INPP4B: variants seen among roughly 807,000 people sequenced by gnomAD.
INPP4B encodes inositol polyphosphate 4-phosphatase type II.
INPP4B carries 55 observed loss-of-function variants against 122.5 expected under a neutral mutation model. That is an observed-to-expected ratio of 0.45 (90% CI 0.36 to 0.56). INPP4B has a LOEUF of 0.56. Among genes scored for constraint, INPP4B ranks in the 20% least tolerant of loss-of-function variants. INPP4B has a pLI of 0.00. For missense variants in INPP4B, 1,000 were observed against 1,097.7 expected (o/e 0.91, Z 1.26); for synonymous variants, 403 against 388.7 (o/e 1.04, Z -0.43).
chr4:142,051,211 A>G (rs1465424878), intron 25 of INPP4B, among the ~76,000 whole-genome samples: 1 of 152,080 alleles, frequency 6.6e-6, no homozygotes, highest in African/African-American at 2.4e-5. Flanking sequence ...AAGATACTAC[A>G]GCCAAGAACA....
chr4:142,505,998 A>T (rs575654300), intron 2 of INPP4B, among the ~76,000 whole-genome samples: 1 of 152,310 alleles, frequency 6.6e-6, no homozygotes, highest in Admixed American at 6.5e-5. Context: ...GTGCATTAAC[A>T]CTAAAATGTA....
At chr4:142,545,821 G>GTATATATATATATATATATATATA (rs70949172) in intron 2 of INPP4B, among the ~76,000 whole-genome samples, 1 of 111,920 alleles carries the variant, frequency 8.9e-6, no homozygotes. Context: ...ATACATGTGT[G>GTATATATATATATATATATATATA]TATATATATA....
At chr4:142,380,447 C>A (rs1793692004) in intron 7 of INPP4B, among the ~76,000 whole-genome samples, 2 of 152,136 alleles carry the variant, frequency 1.3e-5, no homozygotes, top group Admixed American at 1.3e-4. Context: ...TCCAGGCTAT[C>A]ACTTGCTCAA....
At chr4:142,029,703 A>G in intron 25 of INPP4B, 1 of 986,118 alleles carries the variant, frequency 1.0e-6, no homozygotes, top group Non-Finnish European at 1.2e-6. Flanking sequence ...GATGGCATCT[A>G]TGATATTAGC....
At chr4:142,168,703 CT>C (rs1824087837) in intron 16 of INPP4B, among the ~76,000 whole-genome samples, 1 of 151,578 alleles carries the variant, frequency 6.6e-6, no homozygotes, top group Non-Finnish European at 1.5e-5. Context: ...ATATTTATTT[CT>C]GTGGACATGG....
chr4:142,099,122 C>G (rs1379325516), intron 23 of INPP4B, among the ~76,000 whole-genome samples: 1 of 151,988 alleles, frequency 6.6e-6, no homozygotes, highest in African/African-American at 2.4e-5. Flanking sequence ...AGGCTCTTGA[C>G]AGAAAGTTTC....
At chr4:142,331,602 G>A (rs563602670) in intron 7 of INPP4B, among the ~76,000 whole-genome samples, 12 of 152,262 alleles carry the variant, frequency 7.9e-5, no homozygotes, top group South Asian at 2.1e-4. Flanking sequence ...TAGAATTTAC[G>A]TATTTGTTTG....
In INPP4B at chr4:142,738,384, TC is replaced by T. The variant is rs1767343577; in HGVS notation, c.-253-12484del. On this transcript the variant is annotated intron_variant, in intron 1 of 25. Coordinates refer to ENST00000262992, the MANE Select transcript of INPP4B (RefSeq NM_001101669.3). ...ACAAAAAACCAAACACCGCATGTTG[TC>T]ACTCATAGGTGGGAATTGAACAATG... 2.6e-5 allele frequency among the ~76,000 whole-genome samples: 4 copies of T among 152,200 alleles called. No homozygotes were observed. The South Asian group carries it at 8.3e-4, about 32-fold the overall frequency.
At chr4:142,054,059 C>G (rs1010004501) in intron 25 of INPP4B, among the ~76,000 whole-genome samples, 2 of 134,346 alleles carry the variant, frequency 1.5e-5, no homozygotes, top group Non-Finnish European at 3.3e-5. Flanking sequence ...CATGTATTGT[C>G]TTTGGATAAC....
chr4:142,780,534 C>CG (rs1774629103), intron 1 of INPP4B, among the ~76,000 whole-genome samples: 1 of 152,096 alleles, frequency 6.6e-6, no homozygotes, highest in Non-Finnish European at 1.5e-5. Context: ...CACGGTGGCT[C>CG]ACACCTGTAA....
At chr4:142,704,311 A>G (rs374497975) in intron 2 of INPP4B, among the ~76,000 whole-genome samples, 1 of 152,288 alleles carries the variant, frequency 6.6e-6, no homozygotes, top group East Asian at 1.9e-4. Flanking sequence ...TCAGTAAAGA[A>G]CTTCTGCCAC....
intron 2 of INPP4B, among the ~76,000 whole-genome samples, chr4:142,539,044 C>CT (rs1042749283): frequency 2.0e-5 from 3 of 149,720 alleles, no homozygotes; most frequent in Non-Finnish European, 3.0e-5. Flanking sequence ...CTTTTCAGGC[C>CT]TTTTTTTGTG....
intron 5 of INPP4B, among the ~76,000 whole-genome samples, chr4:142,414,154 T>C (rs2149263092): frequency 6.6e-6 from 1 of 152,286 alleles, no homozygotes; most frequent in South Asian, 2.1e-4. Flanking sequence ...TGAAGTAAAA[T>C]ATTAGCTTCA....
At chr4:142,113,087 T>C (rs1346337002) in intron 21 of INPP4B, among the ~76,000 whole-genome samples, 1 of 152,078 alleles carries the variant, frequency 6.6e-6, no homozygotes, top group Non-Finnish European at 1.5e-5. Context: ...ATTTATATGA[T>C]TTTTTGGTAT....
At chr4:142,635,627 G>A (rs1238548163) in intron 2 of INPP4B, among the ~76,000 whole-genome samples, 2 of 152,138 alleles carry the variant, frequency 1.3e-5, no homozygotes, top group Non-Finnish European at 2.9e-5. Context: ...AATACTGCAT[G>A]TTCTCACTTG....
At chr4:142,039,929 A>G (rs1746267327) in intron 25 of INPP4B, among the ~76,000 whole-genome samples, 1 of 148,244 alleles carries the variant, frequency 6.7e-6, no homozygotes, top group Non-Finnish European at 1.5e-5. Flanking sequence ...CTATTGTTTA[A>G]AATGTGTGCC....
intron 7 of INPP4B, among the ~76,000 whole-genome samples, chr4:142,398,377 A>C (rs1236364123): frequency 8.9e-5 from 1 of 11,180 alleles, no homozygotes; most frequent in Non-Finnish European, 2.1e-4. Flanking sequence ...GACTCTGTCT[A>C]AAAAAAAAAA....
At chr4:142,395,869 G>C (rs536881898) in intron 7 of INPP4B, among the ~76,000 whole-genome samples, 4 of 152,100 alleles carry the variant, frequency 2.6e-5, no homozygotes, top group Non-Finnish European at 5.9e-5. Flanking sequence ...GAATCAGAGA[G>C]TAAAATTGTG....
Position 142,208,901 on chromosome 4 carries a change from T to C in INPP4B, c.962A>G (p.Glu321Gly), listed in dbSNP as rs751962410. 2.6e-6 allele frequency: 4 copies of C among 1,563,928 alleles called. No individual in the cohort carries two copies. Among genetic ancestry groups the C allele is most frequent in the Admixed American group, 3.5e-5 (2 of 57,576 alleles). ...YQDILTELSK[E>G]TGSSFKSSSS... ...TAGAGAAATTGCTTCCACACCTGTT[T>C]CCTTGCTAAGTTCTGTCAGAATGTC... Residue 321 changes from glutamate (E) to glycine (G), a missense_variant, in exon 13 of 26, where the codon GAA becomes GGA. Physicochemically the swap from Glu to Gly is moderately conservative, Grantham distance 98. Coordinates refer to ENST00000262992, the MANE Select transcript of INPP4B (RefSeq NM_001101669.3).
Sources: allele counts gnomAD v4.1 joint callset (sites outside exome capture counted in the v4.1 genomes callset), GRCh38; gene constraint gnomAD v4.1.1; transcripts MANE v1.5; gene names NCBI Gene and HGNC (gene_info 2026-07-23, HGNC 2026-07-21).